FBXO8: variants seen among roughly 807,000 people sequenced by gnomAD.
FBXO8 encodes F-box only protein 8.
A neutral mutation model predicts 33.4 loss-of-function variants in FBXO8; 15 were observed. The observed-to-expected ratio is 0.45, with a 90% CI of 0.30 to 0.69. The LOEUF is 0.69. FBXO8 is among the 30% of genes least tolerant of loss of function. The pLI, the probability that FBXO8 is intolerant of heterozygous loss-of-function variation, is 0.08. For missense variants in FBXO8, 274 were observed against 380.3 expected (o/e 0.72, Z 2.32); for synonymous variants, 132 against 131.5 (o/e 1.00, Z -0.02).
chr4:174,263,088 C>T lies in FBXO8; in HGVS notation c.5G>A (p.Gly2Asp). Residue 2 changes from glycine (G) to aspartate (D), a missense_variant, in exon 2 of 6, where the codon GGT becomes GAT. By Grantham distance (94) the Gly-to-Asp change is moderately conservative. Coordinates refer to ENST00000393674, the MANE Select transcript of FBXO8 (RefSeq NM_012180.3). This position sits in a 1 kb window ranked among gnomAD's most constrained non-coding sequence, Gnocchi z 4.2. The part of the protein sequence containing the change: M[G>D]QGLWRVVRNQ... ...TCTGACCACTCTCCACAACCCTTGA[C>T]CCATCTGCAAGCCTGGGAAAAAGCC... The T allele has an allele frequency of 6.2e-7, 1 of 1,611,354 alleles. No homozygotes were observed.
intron 4 of FBXO8, 65 bp from the exon 5 acceptor site, chr4:174,239,255 A>G (rs760260387): frequency 2.5e-6 from 3 of 1,190,134 alleles, no homozygotes; most frequent in Non-Finnish European, 3.4e-6. Context: ...GGTAAGAAAA[A>G]TAACAAATTT....
intron 4 of FBXO8, among the ~76,000 whole-genome samples, chr4:174,240,319 G>A (rs1736003646): frequency 6.6e-6 from 1 of 151,608 alleles, no homozygotes; most frequent in Non-Finnish European, 1.5e-5. Flanking sequence ...TCATCCGTGT[G>A]CTACTACTCT....
At position 174,261,029 on chromosome 4, in the gene FBXO8, C is replaced by A. The variant is rs1018813904; in HGVS notation, c.330-1204G>T. Among the ~76,000 whole-genome samples, 1 of 151,926 alleles carries A rather than the reference C, an allele frequency of 6.6e-6. No homozygotes were observed. The highest frequency in any genetic ancestry group is 2.4e-5 in the African/African-American group (1 of 41,420). ...TTGTGAGGACAAGGGGGTAAAATAT[C>A]TAATTTAACATGAGACTACCCTCTT... is the stretch of plus-strand genomic sequence containing the variant. On this transcript the variant is annotated intron_variant, in intron 2 of 5. Coordinates refer to ENST00000393674, the MANE Select transcript of FBXO8 (RefSeq NM_012180.3). This position sits in a 1 kb window ranked among gnomAD's most constrained non-coding sequence, Gnocchi z 4.1.
chr4:174,238,908 C>A, intron 5 of FBXO8, 86 bp downstream of exon 5: 1 of 828,864 alleles, frequency 1.2e-6, no homozygotes, highest in Non-Finnish European at 1.7e-6. Flanking sequence ...ATATTTTTCC[C>A]CACAGTGAGA....
Position 174,259,653 on chromosome 4 carries a change from T to G in FBXO8, c.456+46A>C. On this transcript the variant is annotated intron_variant, in intron 3 of 5. Coordinates refer to ENST00000393674, the MANE Select transcript of FBXO8 (RefSeq NM_012180.3). This position sits in a 1 kb window ranked among gnomAD's most constrained non-coding sequence, Gnocchi z 4.3. ...ATGATATTGGAAAGCTGCAGCAAGA[T>G]AGTAATAAAGGTCACTGGATACAAA... 6.3e-7 allele frequency: 1 copy of G among 1,584,368 alleles called. No individual in the cohort carries two copies. The highest frequency in any genetic ancestry group is 8.5e-7 in the Non-Finnish European group (1 of 1,170,782).
chr4:174,281,123 T>G lies in FBXO8; in HGVS notation c.-9+2287A>C, dbSNP rs533564761. ...AGGGAAAAAACTCTGAAAAACAAAT[T>G]AATAAATAAAAGAAGAGATGATGGC... On this transcript the variant is annotated intron_variant, in intron 1 of 5. Transcript: ENST00000393674. This position sits in a 1 kb window ranked among gnomAD's most constrained non-coding sequence, Gnocchi z 4.6. Among the ~76,000 whole-genome samples the G allele has an allele frequency of 2.0e-5, 3 of 152,112 alleles. No individual in the cohort carries two copies. The highest frequency in any genetic ancestry group is 4.4e-5 in the Non-Finnish European group (3 of 68,010).
rs1319313624 is a variant in FBXO8, at chr4:174,257,385, C to A, written c.456+2314G>T. ...ACATCCAACTTTTCTGACTCTGTAA[C>A]AATCTACAACTTAGTACTTACCAGG... On this transcript the variant is annotated intron_variant, in intron 3 of 5. Transcript: ENST00000393674. The surrounding 1 kb of genome is among the most constrained non-coding windows in gnomAD (Gnocchi z 4.3). 1.3e-5 allele frequency among the ~76,000 whole-genome samples: 2 copies of A among 152,134 alleles called. No individual in the cohort carries two copies. The highest frequency in any genetic ancestry group is 2.9e-5 in the Non-Finnish European group (2 of 68,012).
chr4:174,244,976 T>C (rs1241728232), intron 3 of FBXO8, among the ~76,000 whole-genome samples: 1 of 151,846 alleles, frequency 6.6e-6, no homozygotes, highest in Admixed American at 6.6e-5. Flanking sequence ...GATATATGTA[T>C]ATCTGTGCAT....
In FBXO8 at chr4:174,258,962, T is replaced by C. The variant is rs1250554144; in HGVS notation, c.456+737A>G. On this transcript the variant is annotated intron_variant, in intron 3 of 5. Coordinates refer to ENST00000393674, the MANE Select transcript of FBXO8 (RefSeq NM_012180.3). The stretch of plus-strand genomic sequence containing the variant: ...GCAGATTAAATTTTTCCACAAAAAA[T>C]AATGCACCCAAAAGTAGTAGTTCTG... 2.0e-5 allele frequency among the ~76,000 whole-genome samples: 3 copies of C among 152,074 alleles called. No individual in the cohort carries two copies. The East Asian group carries it at 5.8e-4, about 29-fold the overall frequency.
rs1736407954 is a variant in FBXO8 at position 174,256,034 on chromosome 4, T to C, written c.456+3665A>G. 3 of 454,046 alleles carry C rather than the reference T, an allele frequency of 6.6e-6. No homozygotes were observed. The highest frequency in any genetic ancestry group is 4.7e-5 in the South Asian group (3 of 64,076). 28.1% of individuals were successfully genotyped at this position (454,046 alleles called of 1,614,324 possible). A position where few individuals can be genotyped will look rare whatever the true frequency, so the allele number is the denominator to read the frequency against. On this transcript the variant is annotated intron_variant, in intron 3 of 5. Transcript: ENST00000393674. The surrounding 1 kb of genome is among the most constrained non-coding windows in gnomAD (Gnocchi z 4.6). ...CGTGCCAGATTATCGTACCACAAAC[T>C]GTGCAGATGTTCTCCCCCACCCCAT...
chr4:174,243,711 T>G (rs1736097275), intron 3 of FBXO8, among the ~76,000 whole-genome samples: 1 of 151,252 alleles, frequency 6.6e-6, no homozygotes, highest in Non-Finnish European at 1.5e-5. Flanking sequence ...CTAGACCACA[T>G]AGCATATCAG....
intron 1 of FBXO8, among the ~76,000 whole-genome samples, chr4:174,280,329 A>C (rs189388002): frequency 5.9e-5 from 9 of 152,198 alleles, no homozygotes; most frequent in Admixed American, 5.9e-4. Flanking sequence ...TCGAAAAAAA[A>C]ATAAGTCTTG....
In FBXO8 at chr4:174,237,711, TAAATAC is replaced by T; in HGVS notation, c.773-118_773-113del. 4 of 917,438 alleles carry T rather than the reference TAAATAC, an allele frequency of 4.4e-6. No individual in the cohort carries two copies. The highest frequency in any genetic ancestry group is 4.8e-6 in the Non-Finnish European group (3 of 621,698). 56.8% of individuals were successfully genotyped at this position (917,438 alleles called of 1,614,324 possible). A position where few individuals can be genotyped will look rare whatever the true frequency, so the allele number is the denominator to read the frequency against. On this transcript the variant is annotated intron_variant, in intron 5 of 5. Coordinates refer to ENST00000393674, the MANE Select transcript of FBXO8 (RefSeq NM_012180.3). This position sits in a 1 kb window ranked among gnomAD's most constrained non-coding sequence, Gnocchi z 4.4. ...ATTTCAAGATATCAAGATTAGCTCA[TAAATAC>T]AGAGTGACCAATCCATCCCAGTTTG...
intron 1 of FBXO8, among the ~76,000 whole-genome samples, chr4:174,264,481 T>C (rs1736642567): frequency 6.6e-6 from 1 of 152,128 alleles, no homozygotes; most frequent in South Asian, 2.1e-4. Context: ...CACGCATTTA[T>C]TTACTAAACC....
rs1292605613 is a variant in FBXO8, at chr4:174,274,974, G to A, written c.-9+8436C>T. On this transcript the variant is annotated intron_variant, in intron 1 of 5. Coordinates refer to ENST00000393674, the MANE Select transcript of FBXO8 (RefSeq NM_012180.3). This position sits in a 1 kb window ranked among gnomAD's most constrained non-coding sequence, Gnocchi z 4.0. ...GAATTCATCAAAATAAAAAATTTTT[G>A]CTCTTTGAAAGTCTATATTTGGAAG... is the stretch of plus-strand genomic sequence containing the variant. Among the ~76,000 whole-genome samples, 1 of 152,086 alleles carries A rather than the reference G, an allele frequency of 6.6e-6. No individual in the cohort carries two copies.
chr4:174,247,249 T>C lies in FBXO8; in HGVS notation c.457-6031A>G, dbSNP rs1736181029. Among the ~76,000 whole-genome samples the C allele has an allele frequency of 6.6e-6, 1 of 152,100 alleles. No homozygotes were observed. On this transcript the variant is annotated intron_variant, in intron 3 of 5. Transcript: ENST00000393674. The surrounding 1 kb of genome is among the most constrained non-coding windows in gnomAD (Gnocchi z 4.6). ...AATAAAAGTTACATGATGTTTTGTT[T>C]TGTTTTATTGGTGTCACTAATAAAA... is the stretch of plus-strand genomic sequence containing the variant.
rs1286761283 is a variant in FBXO8, at chr4:174,237,074, G to A, written c.*338C>T. 2.7e-5 allele frequency: 5 copies of A among 187,494 alleles called. No homozygotes were observed. The highest frequency in any genetic ancestry group is 1.7e-4 in the South Asian group (1 of 6,040). The allele number at this position is 187,494 out of a possible 1,614,324, so 11.6% of individuals were successfully genotyped here. A position where few individuals can be genotyped will look rare whatever the true frequency, so the allele number is the denominator to read the frequency against. On this transcript the variant is annotated 3_prime_UTR_variant, in exon 6 of 6. Transcript: ENST00000393674. This position sits in a 1 kb window ranked among gnomAD's most constrained non-coding sequence, Gnocchi z 4.4. Reference sequence around the variant, plus strand: ...ACACATTACATGGTATTTGTATAAAGAATGGAAATGGATAAAGTTTTTCAG... The same window carrying A: ...ACACATTACATGGTATTTGTATAAAAAATGGAAATGGATAAAGTTTTTCAG...
In FBXO8 at chr4:174,277,631, C is replaced by T. The variant is rs183178135; in HGVS notation, c.-9+5779G>A. Among the ~76,000 whole-genome samples, 4 of 152,194 alleles carry T rather than the reference C, an allele frequency of 2.6e-5. No individual in the cohort carries two copies. Among genetic ancestry groups the T allele is most frequent in the East Asian group, 3.9e-4 (2 of 5,186 alleles). ...TTCCATAAAGCTTTTACTGAGCAAA[C>T]GGTGTTAAATCATTGGTATGTAATG... On this transcript the variant is annotated intron_variant, in intron 1 of 5. Coordinates refer to ENST00000393674, the MANE Select transcript of FBXO8 (RefSeq NM_012180.3). This position sits in a 1 kb window ranked among gnomAD's most constrained non-coding sequence, Gnocchi z 4.9.
At position 174,270,138 on chromosome 4, in the gene FBXO8, T is replaced by A. The variant is rs1736803539; in HGVS notation, c.-8-7038A>T. Reference sequence around the variant, plus strand: ...AAACTGTGCGACCTTGAACACTCAGTGGTATTGTGTATAAACATGCCACAT... The same window carrying A: ...AAACTGTGCGACCTTGAACACTCAGAGGTATTGTGTATAAACATGCCACAT... On this transcript the variant is annotated intron_variant, in intron 1 of 5. Coordinates refer to ENST00000393674, the MANE Select transcript of FBXO8 (RefSeq NM_012180.3). This position sits in a 1 kb window ranked among gnomAD's most constrained non-coding sequence, Gnocchi z 4.6. Among the ~76,000 whole-genome samples the A allele has an allele frequency of 6.6e-6, 1 of 152,226 alleles. No homozygotes were observed.
Sources: allele counts gnomAD v4.1 joint callset (sites outside exome capture counted in the v4.1 genomes callset), GRCh38; gene constraint gnomAD v4.1.1; non-coding constraint Gnocchi (gnomAD v3.1); transcripts MANE v1.5; gene names NCBI Gene and HGNC (gene_info 2026-07-23, HGNC 2026-07-21).